WFIKKN2: variants seen among roughly 807,000 people sequenced by gnomAD.
WFIKKN2 encodes the protein WAP, follistatin/kazal, immunoglobulin, kunitz and netrin domain containing 2.
A neutral mutation model predicts 39.2 loss-of-function variants in WFIKKN2; 25 were observed. The ratio of observed to expected loss-of-function variants is 0.64; its 90% CI spans 0.47 to 0.89. WFIKKN2 has a LOEUF of 0.89. Ranked by LOEUF, WFIKKN2 falls within the 40% of genes least tolerant of loss-of-function variation. The pLI, the probability that WFIKKN2 is intolerant of heterozygous loss-of-function variation, is 0.00. For missense variants in WFIKKN2, 770 were observed against 811.7 expected (o/e 0.95, Z 0.62); for synonymous variants, 345 against 329.7 (o/e 1.05, Z -0.50).
At chr17:50,835,580 C>T (rs1971943283), upstream of WFIKKN2, 1 of 291,636 alleles carries the variant, frequency 3.4e-6, no homozygotes, top group East Asian at 6.2e-5. Flanking sequence ...TGATCAGCCA[C>T]GGGACAGAGG....
At position 50,835,740 on chromosome 17, in the gene WFIKKN2, A is replaced by G. The variant is rs1338559202; in HGVS notation, c.-198A>G. The G allele has an allele frequency of 3.3e-6, 2 of 608,076 alleles. No individual in the cohort carries two copies. The highest frequency in any genetic ancestry group is 5.7e-6 in the Non-Finnish European group (2 of 352,542). 37.7% of individuals were successfully genotyped at this position (608,076 alleles called of 1,614,324 possible). ...GCTTCCTTCTAAAGACCTTTCTTTT[A>G]TCTGAAGCCGCACAGCCCGGCAGGC... On this transcript the variant is annotated 5_prime_UTR_variant, in exon 1 of 2. Transcript: ENST00000311378.
Position 50,839,804 on chromosome 17 carries a change from TG to T in WFIKKN2, c.517del (p.Val173Ter). 1 of 1,614,188 alleles carries T rather than the reference TG, an allele frequency of 6.2e-7. No homozygotes were observed. ...ACSKGITLAV[V>X]TCRYHFTWPN... ...GCTCCAAAGGCATCACACTGGCCGT[TG>T]TAACCTGCCGCTATCACTTCACCTG... is the stretch of plus-strand genomic sequence containing the variant. On this transcript the variant is annotated frameshift_variant, in exon 2 of 2. Transcript: ENST00000311378. LOFTEE classifies it high-confidence loss of function.
Position 50,840,843 on chromosome 17 carries a change from A to G in WFIKKN2, c.1555A>G (p.Asn519Asp). 6.2e-7 allele frequency: 1 copy of G among 1,612,076 alleles called. No homozygotes were observed. The highest frequency in any genetic ancestry group is 8.5e-7 in the Non-Finnish European group (1 of 1,178,398). Residue 519 changes from asparagine (N) to aspartate (D), a missense_variant, in exon 2 of 2, where the codon AAC becomes GAC. By Grantham distance (23) the Asn-to-Asp change is conservative (BLOSUM62 1). Transcript: ENST00000311378. ...CGTGGACTGGGCATGCCCCTGCCCC[A>G]ACGTGACCGTGAGCGAGATGCCGCT... Reference protein sequence around the residue: ...LHVDWACPCPNVTVSEMPLII... With the variant: ...LHVDWACPCPDVTVSEMPLII...
chr17:50,841,146 C>T lies in WFIKKN2; in HGVS notation c.*127C>T, dbSNP rs772699832. 1.9e-5 allele frequency: 19 copies of T among 1,005,506 alleles called. No individual in the cohort carries two copies. Among genetic ancestry groups the T allele is most frequent in the East Asian group, 2.7e-5 (1 of 37,434 alleles). The allele number at this position is 1,005,506 out of a possible 1,614,324, so 62.3% of individuals were successfully genotyped here. A position where few individuals can be genotyped will look rare whatever the true frequency, so the allele number is the denominator to read the frequency against. On this transcript the variant is annotated 3_prime_UTR_variant, in exon 2 of 2. Coordinates refer to ENST00000311378, the MANE Select transcript of WFIKKN2 (RefSeq NM_175575.6). ...AGCAGGGAAACATCAACCGACGTGT[C>T]ACAGAAAAAGCCACAGAAGGTCTCA...
intron 1 of WFIKKN2, among the ~76,000 whole-genome samples, chr17:50,837,973 C>T (rs1465200786): frequency 6.6e-6 from 1 of 152,116 alleles, no homozygotes; most frequent in Non-Finnish European, 1.5e-5. Context: ...GACATTCTGG[C>T]CCCCTTACAC....
Position 50,840,359 on chromosome 17 carries a change from C to T in WFIKKN2, c.1071C>T (p.Thr357=). Residue 357 remains threonine (T), a synonymous_variant, in exon 2 of 2, where the codon ACC becomes ACT. Coordinates refer to ENST00000311378, the MANE Select transcript of WFIKKN2 (RefSeq NM_175575.6). The stretch of plus-strand genomic sequence containing the variant: ...AGGCCAACAACTGCCTGACCTTCAC[C>T]TTCGGCCACTGCCACCGTAACCTCA... The part of the protein sequence containing the change: ...DAQANNCLTF[T]FGHCHRNLNH... 6.2e-7 allele frequency: 1 copy of T among 1,614,188 alleles called. No homozygotes were observed. The highest frequency in any genetic ancestry group is 1.7e-5 in the Admixed American group (1 of 60,038).
chr17:50,839,642 G>T lies in WFIKKN2; in HGVS notation c.354G>T (p.Gln118His). 1 of 1,614,246 alleles carries T rather than the reference G, an allele frequency of 6.2e-7. No individual in the cohort carries two copies. The highest frequency in any genetic ancestry group is 8.5e-7 in the Non-Finnish European group (1 of 1,180,040). The change falls in exon 2 of 2, where the codon CAG (glutamine) becomes CAT (histidine). Residue 118 changes from glutamine (Q) to histidine (H), a missense_variant. Physicochemically the swap from Gln to His is conservative, Grantham distance 24. Transcript: ENST00000311378. ...CATGTGACCACTTCATGTGTCTGCAGCAGGGCTCTGAGTGTGACATCTGGG... is the reference window on the plus strand; with the variant it reads ...CATGTGACCACTTCATGTGTCTGCATCAGGGCTCTGAGTGTGACATCTGGG... ...EATCDHFMCL[Q>H]QGSECDIWDG... is the part of the protein sequence containing the mutation.
rs1972057038 is a variant in WFIKKN2 at position 50,842,347 on chromosome 17, A to G, written c.*1328A>G. On this transcript the variant is annotated 3_prime_UTR_variant, in exon 2 of 2. Coordinates refer to ENST00000311378, the MANE Select transcript of WFIKKN2 (RefSeq NM_175575.6). ...ATACCAATTAAAAGCTCATAGTATC[A>G]ACTGCCCTTCTTGTGTGATTCGTTT... is the stretch of plus-strand genomic sequence containing the variant. The G allele has an allele frequency of 6.6e-6, 1 of 152,184 alleles. No individual in the cohort carries two copies. Among genetic ancestry groups the G allele is most frequent in the African/African-American group, 2.4e-5 (1 of 41,418 alleles). The allele number at this position is 152,184 out of a possible 1,614,324, so 9.4% of individuals were successfully genotyped here.
At position 50,840,140 on chromosome 17, in the gene WFIKKN2, C is replaced by T; in HGVS notation, c.852C>T (p.Ile284=). Residue 284 remains isoleucine (I), a synonymous_variant, in exon 2 of 2, where the codon ATC becomes ATT. Coordinates refer to ENST00000311378, the MANE Select transcript of WFIKKN2 (RefSeq NM_175575.6). ...ACGCCCAGCTGCAGGATGCTGGGAT[C>T]TACACCTGCACGGCCCGGAACGTGG... ...IYNAQLQDAG[I]YTCTARNVAG... 2 of 1,614,106 alleles carry T rather than the reference C, an allele frequency of 1.2e-6. No homozygotes were observed. Among genetic ancestry groups the T allele is most frequent in the Non-Finnish European group, 1.7e-6 (2 of 1,180,010 alleles).
rs1259327984 is a variant in WFIKKN2, at chr17:50,840,209, T to A, written c.921T>A (p.Gly307=). The change falls in exon 2 of 2, where the codon GGT becomes GGA. Residue 307 remains glycine (G), a synonymous_variant. Transcript: ENST00000311378. ...RADFPLSVVR[G]HQAAATSESS... is the part of the protein sequence containing the mutation. ...ATTTCCCGCTGTCGGTGGTCAGGGG[T>A]CATCAGGCTGCAGCCACCTCAGAGA... 3.7e-6 allele frequency: 6 copies of A among 1,613,004 alleles called. No homozygotes were observed. The South Asian group carries it at 4.4e-5, about 12-fold the overall frequency.
At position 50,840,960 on chromosome 17, in the gene WFIKKN2, C is replaced by T. The variant is rs1260918880; in HGVS notation, c.1672C>T (p.Arg558Cys). 10 of 1,578,778 alleles carry T rather than the reference C, an allele frequency of 6.3e-6. No individual in the cohort carries two copies. The highest frequency in any genetic ancestry group is 3.5e-5 in the Admixed American group (2 of 57,762). The change falls in exon 2 of 2, where the codon CGT becomes TGT. Residue 558 changes from arginine (R) to cysteine (C), a missense_variant. By Grantham distance (180) the Arg-to-Cys change is radical. Coordinates refer to ENST00000311378, the MANE Select transcript of WFIKKN2 (RefSeq NM_175575.6). ...GAGTGCCCGCCGGGTCAGGAAGCTT[C>T]GTGAGGTCATGCACAAGAAGACCTG... ...ASSARRVRKL[R>C]EVMHKKTCDV... is the part of the protein sequence containing the mutation.
rs781578552 is a variant in WFIKKN2, at chr17:50,839,519, G to A, written c.231G>A (p.Lys77=). 1.2e-6 allele frequency: 2 copies of A among 1,613,750 alleles called. No homozygotes were observed. Among genetic ancestry groups the A allele is most frequent in the South Asian group, 2.2e-5 (2 of 91,040 alleles). The change falls in exon 2 of 2, where the codon AAG becomes AAA. Residue 77 remains lysine (K), a synonymous_variant. Transcript: ENST00000311378. ...TTCAGGAGTGTGAGACCTATGAGAAGTGCTGCCCCAACGTATGTGGGACCA... is the reference window on the plus strand; with the variant it reads ...TTCAGGAGTGTGAGACCTATGAGAAATGCTGCCCCAACGTATGTGGGACCA... ...ETDQECETYE[K]CCPNVCGTKS... is the part of the protein sequence containing the mutation.
At position 50,835,755 on chromosome 17, in the gene WFIKKN2, G is replaced by GC. The variant is rs1162552395; in HGVS notation, c.-180dup. 4.7e-6 allele frequency: 3 copies of GC among 638,116 alleles called. No homozygotes were observed. The highest frequency in any genetic ancestry group is 8.0e-6 in the Non-Finnish European group (3 of 374,548). The allele number at this position is 638,116 out of a possible 1,614,324, so 39.5% of individuals were successfully genotyped here. The stretch of plus-strand genomic sequence containing the variant: ...CCTTTCTTTTATCTGAAGCCGCACA[G>GC]CCCGGCAGGCTGTGCTGACTTGGTG... On this transcript the variant is annotated 5_prime_UTR_variant, in exon 1 of 2. Transcript: ENST00000311378.
In WFIKKN2 at chr17:50,840,982, C is replaced by A. The variant is rs772079733; in HGVS notation, c.1694C>A (p.Thr565Asn). Residue 565 changes from threonine (T) to asparagine (N), a missense_variant, in exon 2 of 2, where the codon ACC becomes AAC. Transcript: ENST00000311378. Reference sequence around the variant, plus strand: ...CTTCGTGAGGTCATGCACAAGAAGACCTGTGACGTCCTCAAGGAGTTTCTT... The same window carrying A: ...CTTCGTGAGGTCATGCACAAGAAGAACTGTGACGTCCTCAAGGAGTTTCTT... ...RKLREVMHKK[T>N]CDVLKEFLGL... 4.5e-6 allele frequency: 7 copies of A among 1,550,894 alleles called. No individual in the cohort carries two copies. In the East Asian group the frequency reaches 6.8e-5, roughly 15 times the overall value.
rs140211672 is a variant in WFIKKN2, at chr17:50,835,960, G to A, written c.23G>A (p.Arg8Gln). 242 of 1,610,748 alleles carry A rather than the reference G, an allele frequency of 1.5e-4. No individual in the cohort carries two copies. Among genetic ancestry groups the A allele is most frequent in the Admixed American group, 5.0e-5 (3 of 59,658 alleles). The change falls in exon 1 of 2, where the codon CGG becomes CAG. Residue 8 changes from arginine (R) to glutamine (Q), a missense_variant. Coordinates refer to ENST00000311378, the MANE Select transcript of WFIKKN2 (RefSeq NM_175575.6). ...ACCATGTGGGCCCCAAGGTGTCGCCGGTTCTGGTCTCGCTGGGAGCAGGTG... is the reference window on the plus strand; with the variant it reads ...ACCATGTGGGCCCCAAGGTGTCGCCAGTTCTGGTCTCGCTGGGAGCAGGTG... MWAPRCR[R>Q]FWSRWEQVAA...
rs760982836 is a variant in WFIKKN2, at chr17:50,840,485, G to T, written c.1197G>T (p.Ala399=). ...TGCAGGGGCCCTGCAAAGCCTACGC[G>T]CCTCGCTGGGCTTACAACAGCCAGA... ...PALQGPCKAY[A]PRWAYNSQTG... Residue 399 remains alanine, a synonymous_variant, in exon 2 of 2, where the codon GCG becomes GCT. Coordinates refer to ENST00000311378, the MANE Select transcript of WFIKKN2 (RefSeq NM_175575.6). 2 of 1,613,886 alleles carry T rather than the reference G, an allele frequency of 1.2e-6. No individual in the cohort carries two copies. Among genetic ancestry groups the T allele is most frequent in the African/African-American group, 1.3e-5 (1 of 75,080 alleles).
Position 50,839,678 on chromosome 17 carries a change from C to T in WFIKKN2, c.390C>T (p.Pro130=), listed in dbSNP as rs147530119. 1.4e-4 allele frequency: 229 copies of T among 1,614,134 alleles called. No individual in the cohort carries two copies. The highest frequency in any genetic ancestry group is 2.0e-4 in the Admixed American group (12 of 60,012). The change falls in exon 2 of 2, where the codon CCC becomes CCT. Residue 130 remains proline (P), a synonymous_variant. Transcript: ENST00000311378. ...GSECDIWDGQ[P]VCKCKDRCEK... is the part of the protein sequence containing the mutation. ...AGTGTGACATCTGGGATGGCCAGCCCGTGTGTAAGTGCAAAGACCGCTGTG... is the reference window on the plus strand; with the variant it reads ...AGTGTGACATCTGGGATGGCCAGCCTGTGTGTAAGTGCAAAGACCGCTGTG...
rs757919214 is a variant in WFIKKN2, at chr17:50,839,729, C to T, written c.441C>T (p.Ala147=). Residue 147 remains alanine, a synonymous_variant, in exon 2 of 2, where the codon GCC becomes GCT. Coordinates refer to ENST00000311378, the MANE Select transcript of WFIKKN2 (RefSeq NM_175575.6). The part of the protein sequence containing the change: ...RCEKEPSFTC[A]SDGLTYYNRC... ...AGAAGGAGCCCAGCTTTACCTGCGC[C>T]TCGGACGGCCTCACCTACTATAACC... 2 of 1,614,230 alleles carry T rather than the reference C, an allele frequency of 1.2e-6. No individual in the cohort carries two copies.
rs376723951 is a variant in WFIKKN2 at position 50,840,930 on chromosome 17, G to A, written c.1642G>A (p.Ala548Thr). The change falls in exon 2 of 2, where the codon GCA becomes ACA. Residue 548 changes from alanine to threonine, a missense_variant. Transcript: ENST00000311378. Reference sequence around the variant, plus strand: ...GCTGCGCCCCGATAGCTTTGTGGGCGCATCGAGTGCCCGCCGGGTCAGGAA... The same window carrying A: ...GCTGCGCCCCGATAGCTTTGTGGGCACATCGAGTGCCCGCCGGGTCAGGAA... ...AMLRPDSFVG[A>T]SSARRVRKLR... The A allele has an allele frequency of 6.3e-6, 10 of 1,598,040 alleles. No homozygotes were observed. Among genetic ancestry groups the A allele is most frequent in the African/African-American group, 2.7e-5 (2 of 74,562 alleles).
Sources: gnomAD v4.1 joint callset for allele counts (sites outside exome capture counted in the v4.1 genomes callset) on GRCh38, gnomAD v4.1.1 for gene constraint, MANE v1.5 for transcripts, NCBI Gene and HGNC (gene_info 2026-07-23, HGNC 2026-07-21) for gene names.